The following EXPH5 variants were observed in gnomAD, a reference collection of about 807,000 sequenced individuals.
EXPH5 encodes exophilin 5.
EXPH5 carries 42 observed loss-of-function variants against 41.1 expected under a neutral mutation model. The observed-to-expected ratio is 1.02, with a 90% CI of 0.80 to 1.32. EXPH5 has a LOEUF of 1.32. Among genes scored for constraint, EXPH5 ranks in the 40% most tolerant of loss-of-function variants. EXPH5 has a pLI of 0.00. For synonymous variants in EXPH5, 798 were observed against 833.5 expected (o/e 0.96, Z 0.73); for missense variants, 2,298 against 2,314.5 (o/e 0.99, Z 0.15).
intron 1 of EXPH5, among the ~76,000 whole-genome samples, chr11:108,568,377 C>T (rs981543166): frequency 3.9e-5 from 6 of 152,206 alleles, no homozygotes; most frequent in Admixed American, 2.6e-4. Flanking sequence ...GAGAACCAAT[C>T]GGTTCCCCCC....
chr11:108,523,986 T>C (rs572271437), intron 4 of EXPH5, among the ~76,000 whole-genome samples: 74 of 152,370 alleles, frequency 4.9e-4, no homozygotes, highest in African/African-American at 1.6e-3. Context: ...CAGGACAGTA[T>C]AGTGGTTAAG....
chr11:108,553,046 A>C (rs371410076), intron 1 of EXPH5, among the ~76,000 whole-genome samples: 9 of 152,168 alleles, frequency 5.9e-5, no homozygotes, highest in Non-Finnish European at 7.4e-5. Flanking sequence ...AAATACAAAA[A>C]AATTAGCCAT....
At chr11:108,561,908 A>G (rs2256362) in intron 1 of EXPH5, among the ~76,000 whole-genome samples, 101,090 of 152,048 alleles carry the variant, frequency 0.66, 34,766 homozygotes, top group Non-Finnish European at 0.74. Flanking sequence ...AGTAGGGAGA[A>G]GCAGAACAGA....
rs1157649363 is a variant in EXPH5 at position 108,508,206 on chromosome 11, CAAAA to C, written c.*1327_*1330del. 6.6e-6 allele frequency: 1 copy of C among 151,104 alleles called. No homozygotes were observed. The highest frequency in any genetic ancestry group is 1.5e-5 in the Non-Finnish European group (1 of 68,112). The allele number at this position is 151,104 out of a possible 1,614,324, so 9.4% of individuals were successfully genotyped here. On this transcript the variant is annotated 3_prime_UTR_variant, in exon 6 of 6. Coordinates refer to ENST00000265843, the MANE Select transcript of EXPH5 (RefSeq NM_015065.3). Reference sequence around the variant, plus strand: ...AAACAAAAACAAAAACAAAACAAAACAAAAAAAGACTGGGCATGGTAGCTCATGC... The same window carrying C: ...AAACAAAAACAAAAACAAAACAAAACAAAGACTGGGCATGGTAGCTCATGC...
rs2093713992 is a variant in EXPH5 at position 108,514,858 on chromosome 11, T to C, written c.649A>G (p.Ser217Gly). ...GCAGACTGTTCCTGAGCCAATTTGCTATCCAAGTCATCTAAAACTGAAAAG... is the reference window on the plus strand; with the variant it reads ...GCAGACTGTTCCTGAGCCAATTTGCCATCCAAGTCATCTAAAACTGAAAAG... The part of the protein sequence containing the change: ...EFFQVLDDLD[S>G]KLAQEQSASS... Residue 217 changes from serine to glycine, a missense_variant, in exon 6 of 6, where the codon AGC (serine) becomes GGC (glycine). By Grantham distance (56) the Ser-to-Gly change is moderately conservative. Coordinates refer to ENST00000265843, the MANE Select transcript of EXPH5 (RefSeq NM_015065.3). The C allele has an allele frequency of 2.1e-6, 3 of 1,461,656 alleles. No individual in the cohort carries two copies. Among genetic ancestry groups the C allele is most frequent in the Non-Finnish European group, 2.7e-6 (3 of 1,108,438 alleles). 90.5% of individuals were successfully genotyped at this position (1,461,656 alleles called of 1,614,324 possible).
chr11:108,544,747 T>C (rs757478141), intron 1 of EXPH5, among the ~76,000 whole-genome samples: 2 of 152,160 alleles, frequency 1.3e-5, no homozygotes, highest in Admixed American at 6.5e-5. Flanking sequence ...AAAATGCATA[T>C]GACAAAACAT....
At chr11:108,531,787 A>G (rs1302577724) in intron 3 of EXPH5, among the ~76,000 whole-genome samples, 1 of 152,236 alleles carries the variant, frequency 6.6e-6, no homozygotes, top group African/African-American at 2.4e-5. Flanking sequence ...CTACTTGTCC[A>G]AAACGGAATC....
intron 2 of EXPH5, among the ~76,000 whole-genome samples, chr11:108,540,969 A>G (rs775798952): frequency 1.3e-5 from 2 of 151,836 alleles, no homozygotes; most frequent in African/African-American, 4.8e-5. Flanking sequence ...CAGTGGCATG[A>G]TCTCAGCTCA....
At chr11:108,587,599 T>C (rs924551489) in intron 1 of EXPH5, among the ~76,000 whole-genome samples, 1 of 152,222 alleles carries the variant, frequency 6.6e-6, no homozygotes, top group Non-Finnish European at 1.5e-5. Flanking sequence ...GAAAAACATT[T>C]AGACATTTTT....
At position 108,528,146 on chromosome 11, in the gene EXPH5, C is replaced by T. The variant is rs780915750; in HGVS notation, c.482G>A (p.Gly161Glu). The change falls in exon 4 of 6, where the codon GGA (glycine) becomes GAA (glutamate). Residue 161 changes from glycine (G) to glutamate (E), a missense_variant. Coordinates refer to ENST00000265843, the MANE Select transcript of EXPH5 (RefSeq NM_015065.3). ...TATCTGGTTACTTACCACAGCAGCT[C>T]CCCTCACAGGCATAGGAGGTCCTGC... ...GHAGPPMPVR[G>E]AAVQAKIYNS... The T allele has an allele frequency of 4.5e-5, 73 of 1,608,984 alleles. No homozygotes were observed. In the African/African-American group the frequency reaches 9.2e-4, roughly 20 times the overall value.
At chr11:108,588,827 C>T (rs558550214) in intron 1 of EXPH5, among the ~76,000 whole-genome samples, 72 of 152,146 alleles carry the variant, frequency 4.7e-4, no homozygotes, top group African/African-American at 1.5e-3. Flanking sequence ...GGATATGGAA[C>T]GATATTATTA....
chr11:108,549,295 C>A (rs751543879), intron 1 of EXPH5, among the ~76,000 whole-genome samples: 4 of 152,240 alleles, frequency 2.6e-5, no homozygotes, highest in Non-Finnish European at 5.9e-5. Context: ...GTCAAAATGT[C>A]CTTTCTTCAT....
intron 5 of EXPH5, among the ~76,000 whole-genome samples, chr11:108,517,766 G>A (rs1418036445): frequency 6.6e-6 from 1 of 151,938 alleles, no homozygotes; most frequent in Non-Finnish European, 1.5e-5. Context: ...CTTTTTACCT[G>A]AGGTTAATTT....
At chr11:108,593,375 C>T in intron 1 of EXPH5, 43 bp downstream of exon 1, 2 of 1,559,916 alleles carry the variant, frequency 1.3e-6, no homozygotes, top group Non-Finnish European at 8.8e-7. Context: ...CCGGCCCCTG[C>T]GGGACCCAGG....
At position 108,510,089 on chromosome 11, in the gene EXPH5, T is replaced by G; in HGVS notation, c.5418A>C (p.Leu1806=). The G allele has an allele frequency of 1.2e-6, 2 of 1,612,694 alleles. No individual in the cohort carries two copies. Among genetic ancestry groups the G allele is most frequent in the Non-Finnish European group, 1.7e-6 (2 of 1,179,618 alleles). The change falls in exon 6 of 6, where the codon CTA becomes CTC. Residue 1806 remains leucine (L), a synonymous_variant. Coordinates refer to ENST00000265843, the MANE Select transcript of EXPH5 (RefSeq NM_015065.3). ...CTTTTGGAGGATGGCTTTTTCGTAG[T>G]AGATCGCCATGAACATTAATGCTTT... ...SLKSINVHGD[L]LRKSHPPKVR... is the part of the protein sequence containing the mutation.
intron 1 of EXPH5, among the ~76,000 whole-genome samples, chr11:108,583,539 A>G (rs942259026): frequency 6.6e-6 from 1 of 150,904 alleles, no homozygotes; most frequent in Non-Finnish European, 1.5e-5. Flanking sequence ...AGTCATCTAC[A>G]GGCCGGGCAT....
At chr11:108,593,358 C>G in intron 1 of EXPH5, 60 bp downstream of exon 1, 2 of 1,482,844 alleles carry the variant, frequency 1.3e-6, no homozygotes, top group Non-Finnish European at 1.9e-6. Context: ...GCCTTCCCCG[C>G]GGATCCCCGG....
upstream of EXPH5, among the ~76,000 whole-genome samples, chr11:108,598,507 C>A (rs775920135): frequency 7.8e-5 from 11 of 140,170 alleles, no homozygotes; most frequent in African/African-American, 2.8e-4. Context: ...AGATTTACCA[C>A]GTGTGATAAA....
rs35083468 is a variant in EXPH5 at position 108,510,541 on chromosome 11, C to T, written c.4966G>A (p.Glu1656Lys). Residue 1656 changes from glutamate to lysine, a missense_variant, in exon 6 of 6, where the codon GAA becomes AAA. Transcript: ENST00000265843. ...PTPKSAESIG[E>K]SRLSENGKHV... ...TTTCCGTTCTCACTCAACCTGCTTTCGCCAATGGACTCTGCAGATTTTGGA... is the reference window on the plus strand; with the variant it reads ...TTTCCGTTCTCACTCAACCTGCTTTTGCCAATGGACTCTGCAGATTTTGGA... The T allele has an allele frequency of 3.2e-4, 523 of 1,614,140 alleles. 1 individual carries two copies. The African/African-American group carries it at 4.2e-3, about 13-fold the overall frequency.
Sources: gnomAD v4.1 joint callset for allele counts (sites outside exome capture counted in the v4.1 genomes callset) on GRCh38, gnomAD v4.1.1 for gene constraint, MANE v1.5 for transcripts, NCBI Gene and HGNC (gene_info 2026-07-23, HGNC 2026-07-21) for gene names.